Variants in CEP128 observed in about 807,000 individuals in gnomAD.
The protein encoded by CEP128 is centrosomal protein 128kDa.
Under a neutral mutation model 156.7 loss-of-function variants are expected in CEP128, and 132 were observed. The observed-to-expected ratio is 0.84, with a 90% CI of 0.73 to 0.97. The LOEUF (loss-of-function observed/expected upper bound fraction) is 0.97. Among genes scored for constraint, CEP128 ranks in the 50% least tolerant of loss-of-function variants. The pLI is 0.00. For missense variants in CEP128, 1,252 were observed against 1,281.9 expected, an observed-to-expected ratio of 0.98 and a Z score of 0.36; for synonymous variants, 469 against 448.9, an observed-to-expected ratio of 1.04 and a Z score of -0.57.
At chr14:80,694,291 C>T (rs944765189) in intron 19 of CEP128, among the ~76,000 whole-genome samples, 5 of 152,072 alleles carry the variant, frequency 3.3e-5, no homozygotes, top group African/African-American at 9.7e-5. Context: ...GAAATTTTTA[C>T]GCCGTTGGTG....
intron 19 of CEP128, among the ~76,000 whole-genome samples, chr14:80,730,436 G>A (rs1247755694): frequency 6.6e-6 from 1 of 152,162 alleles, no homozygotes; most frequent in Non-Finnish European, 1.5e-5. Context: ...AATGTTTAAC[G>A]TAAGGGCAAC....
chr14:80,831,289 C>T lies in CEP128; in HGVS notation c.1063G>A (p.Glu355Lys). 1 of 1,613,884 alleles carries T rather than the reference C, an allele frequency of 6.2e-7. No homozygotes were observed. ...GEDWRFRRGVEREKQDLEKQM... is the reference protein window; with the variant it reads ...GEDWRFRRGVKREKQDLEKQM... ...TTCTCCAGGTCCTGTTTTTCCCGCT[C>T]AACCCCTTAAAAGATAAAATGTAAG... The change falls in exon 13 of 25, where the codon GAG (glutamate) becomes AAG (lysine). Residue 355 changes from glutamate to lysine, a missense_variant. By Grantham distance (56) the Glu-to-Lys change is moderately conservative (BLOSUM62 1). Transcript: ENST00000555265.
intron 18 of CEP128, among the ~76,000 whole-genome samples, chr14:80,755,898 C>T (rs1595352915): frequency 6.6e-6 from 1 of 152,144 alleles, no homozygotes; most frequent in East Asian, 1.9e-4. Context: ...GGGGTCTGAT[C>T]AGAAGTTCAA....
At chr14:80,590,459 T>C (rs1232430134) in intron 19 of CEP128, among the ~76,000 whole-genome samples, 1 of 151,958 alleles carries the variant, frequency 6.6e-6, no homozygotes, top group Non-Finnish European at 1.5e-5. Flanking sequence ...TTTTTAAAAA[T>C]GCTAAAAAAC....
intron 13 of CEP128, chr14:80,830,346 A>G: frequency 2.3e-6 from 1 of 440,704 alleles, no homozygotes; most frequent in Non-Finnish European, 4.1e-6. Flanking sequence ...GTTATATAAA[A>G]TTAGGTGCTT....
chr14:80,687,190 C>A (rs1229793846), intron 19 of CEP128, among the ~76,000 whole-genome samples: 1 of 152,122 alleles, frequency 6.6e-6, no homozygotes, highest in East Asian at 1.9e-4. Flanking sequence ...CACTCCTCAG[C>A]AAATGCAAAA....
chr14:80,562,537 T>C (rs1890729883), intron 20 of CEP128, among the ~76,000 whole-genome samples: 2 of 152,162 alleles, frequency 1.3e-5, no homozygotes, highest in South Asian at 4.1e-4. Context: ...TAAGTGGTTA[T>C]GGTTGACACT....
intron 9 of CEP128, among the ~76,000 whole-genome samples, chr14:80,859,432 G>C (rs1276817487): frequency 6.7e-6 from 1 of 149,096 alleles, no homozygotes; most frequent in Non-Finnish European, 1.5e-5. Flanking sequence ...AGCATTGGGA[G>C]ATATACCTAA....
intron 19 of CEP128, among the ~76,000 whole-genome samples, chr14:80,737,176 C>T (rs1240259728): frequency 7.2e-5 from 11 of 151,954 alleles, no homozygotes; most frequent in African/African-American, 1.9e-4. Flanking sequence ...GAGGCCGAGG[C>T]GGGTGGATCA....
Position 80,690,181 on chromosome 14 carries a change from C to T in CEP128, c.2806+52894G>A, listed in dbSNP as rs113193954. Among the ~76,000 whole-genome samples the T allele has an allele frequency of 1.5e-3, 222 of 146,218 alleles. 1 individual carries two copies. Among genetic ancestry groups the T allele is most frequent in the African/African-American group, 4.8e-3 (190 of 39,254 alleles). ...CAGCCCTTTGGGAGGCTGAGGTGGG[C>T]GGATCACCTGAGGTCAGCAGTTCGA... On this transcript the variant is annotated intron_variant, in intron 19 of 24. Transcript: ENST00000555265.
At chr14:80,542,745 T>A (rs1889819503) in intron 21 of CEP128, among the ~76,000 whole-genome samples, 2 of 152,162 alleles carry the variant, frequency 1.3e-5, no homozygotes, top group Admixed American at 1.3e-4. Flanking sequence ...TGGCCCCAAG[T>A]CCTCAAGACA....
chr14:80,492,055 A>C (rs1236313079), downstream of CEP128, among the ~76,000 whole-genome samples: 1 of 152,202 alleles, frequency 6.6e-6, no homozygotes, highest in African/African-American at 2.4e-5. Context: ...GTTATGCAGT[A>C]TGATCTGATA....
chr14:80,757,986 C>G (rs1216831863), intron 17 of CEP128, among the ~76,000 whole-genome samples: 3 of 152,186 alleles, frequency 2.0e-5, no homozygotes, highest in Non-Finnish European at 2.9e-5. Context: ...GTATTTCCTT[C>G]CTCTTCCAGT....
intron 19 of CEP128, among the ~76,000 whole-genome samples, chr14:80,732,640 C>T (rs1346676648): frequency 6.6e-6 from 1 of 152,086 alleles, no homozygotes; most frequent in Admixed American, 6.6e-5. Flanking sequence ...TGAGAGTATT[C>T]GAGGTTATTT....
chr14:80,768,912 TC>T (rs1284263760), intron 16 of CEP128, among the ~76,000 whole-genome samples: 4 of 152,196 alleles, frequency 2.6e-5, no homozygotes, highest in Non-Finnish European at 1.5e-5. Context: ...TTGGATACGT[TC>T]CTAGAAATTA....
chr14:80,671,356 T>TA (rs1157694978), intron 19 of CEP128, among the ~76,000 whole-genome samples: 2 of 152,162 alleles, frequency 1.3e-5, no homozygotes, highest in Non-Finnish European at 2.9e-5. Context: ...AGGCCTTGGA[T>TA]TGTAGGTAAG....
At chr14:80,841,308 T>C (rs1886339044) in intron 9 of CEP128, among the ~76,000 whole-genome samples, 1 of 152,064 alleles carries the variant, frequency 6.6e-6, no homozygotes, top group African/African-American at 2.4e-5. Flanking sequence ...CCATACAGCT[T>C]GTGAAAAGCC....
chr14:80,922,697 C>A lies in CEP128; in HGVS notation c.-15-6135G>T, dbSNP rs577861824. 2.6e-5 allele frequency among the ~76,000 whole-genome samples: 4 copies of A among 152,198 alleles called. No individual in the cohort carries two copies. The South Asian group carries it at 8.3e-4, about 32-fold the overall frequency. On this transcript the variant is annotated intron_variant, in intron 2 of 24. Coordinates refer to ENST00000555265, the MANE Select transcript of CEP128 (RefSeq NM_152446.5). ...ACATTTATGTATGCTCAAGGAAAAT[C>A]TTCATTATTGTCTTTAAAGATTTAA...
intron 9 of CEP128, among the ~76,000 whole-genome samples, chr14:80,858,365 C>A (rs1395737791): frequency 7.6e-6 from 1 of 132,234 alleles, no homozygotes; most frequent in African/African-American, 2.9e-5. Flanking sequence ...GAAACTGGAT[C>A]CCTTCCTTAC....
Sources: allele counts gnomAD v4.1 joint callset (sites outside exome capture counted in the v4.1 genomes callset), GRCh38; gene constraint gnomAD v4.1.1; transcripts MANE v1.5; gene names NCBI Gene and HGNC (gene_info 2026-07-23, HGNC 2026-07-21).